FNDC3B: variants seen among roughly 807,000 people sequenced by gnomAD.
The protein encoded by FNDC3B is fibronectin type III domain-containing protein 3B.
FNDC3B carries 12 observed loss-of-function variants against 151.5 expected under a neutral mutation model. The observed-to-expected ratio is 0.08, with a 90% confidence interval of 0.05 to 0.13. FNDC3B has a LOEUF of 0.13. Ranked by LOEUF, FNDC3B falls within the 10% of genes least tolerant of loss-of-function variation. FNDC3B has a pLI of 1.00. For missense variants in FNDC3B, 1,214 were observed against 1,505.3 expected, an observed-to-expected ratio of 0.81 and a Z score of 3.20; for synonymous variants, 528 against 549.0, an observed-to-expected ratio of 0.96 and a Z score of 0.54.
At position 172,304,447 on chromosome 3, in the gene FNDC3B, C is replaced by T. The variant is rs146307786; in HGVS notation, c.1062-2916C>T. On this transcript the variant is annotated intron_variant, in intron 9 of 25. Coordinates refer to ENST00000415807, the MANE Select transcript of FNDC3B (RefSeq NM_022763.4). Reference sequence around the variant, plus strand: ...ACTGGGTGGAGGCAGAGAACCTAAACAGCTAAACTGGGTTGGGTAAGGGTC... The same window carrying T: ...ACTGGGTGGAGGCAGAGAACCTAAATAGCTAAACTGGGTTGGGTAAGGGTC... Among the ~76,000 whole-genome samples the T allele has an allele frequency of 6.4e-4, 98 of 152,328 alleles. 1 individual carries two copies. The highest frequency in any genetic ancestry group is 2.2e-3 in the African/African-American group (93 of 41,582).
At chr3:172,336,582 C>G (rs1030799646) in intron 15 of FNDC3B, among the ~76,000 whole-genome samples, 2 of 152,304 alleles carry the variant, frequency 1.3e-5, no homozygotes, top group East Asian at 1.9e-4. Flanking sequence ...TTGTACTTCT[C>G]TTTCCGTTCC....
intron 6 of FNDC3B, among the ~76,000 whole-genome samples, chr3:172,262,840 T>C (rs1237492077): frequency 7.9e-6 from 1 of 126,768 alleles, no homozygotes; most frequent in Non-Finnish European, 1.5e-5. Flanking sequence ...AAAACTGCAG[T>C]GAGTGTTGAT....
intron 1 of FNDC3B, among the ~76,000 whole-genome samples, chr3:172,055,560 AAAG>A (rs138629873): frequency 0.033 from 5,079 of 152,192 alleles, 266 homozygotes; most frequent in African/African-American, 0.12. Flanking sequence ...AGTTGACAAA[AAAG>A]AGAACAGAGG....
intron 4 of FNDC3B, among the ~76,000 whole-genome samples, chr3:172,242,095 T>C (rs1727524593): frequency 6.6e-6 from 1 of 152,202 alleles, no homozygotes; most frequent in Non-Finnish European, 1.5e-5. Flanking sequence ...CAAAATGATA[T>C]CCTTTGACTC....
At chr3:172,186,449 A>G (rs1300313507) in intron 3 of FNDC3B, among the ~76,000 whole-genome samples, 1 of 152,230 alleles carries the variant, frequency 6.6e-6, no homozygotes, top group African/African-American at 2.4e-5. Flanking sequence ...GTGACTTCAT[A>G]GAAGACCACC....
At chr3:172,245,528 G>A (rs529736722) in intron 4 of FNDC3B, among the ~76,000 whole-genome samples, 1 of 152,108 alleles carries the variant, frequency 6.6e-6, no homozygotes, top group African/African-American at 2.4e-5. Flanking sequence ...ATGCATGTTT[G>A]TGTCAGATCG....
chr3:172,388,833 G>C (rs998294634), intron 25 of FNDC3B, among the ~76,000 whole-genome samples: 11 of 152,134 alleles, frequency 7.2e-5, no homozygotes, highest in South Asian at 2.1e-4. Flanking sequence ...TTTCTGCAAG[G>C]CGGGGCAGGG....
chr3:172,065,990 A>T (rs941835800), intron 1 of FNDC3B, among the ~76,000 whole-genome samples: 24 of 152,144 alleles, frequency 1.6e-4, no homozygotes, highest in African/African-American at 5.6e-4. Context: ...CAACCTAAAT[A>T]CCCCTGATTC....
chr3:172,394,569 C>T (rs948036978), intron 25 of FNDC3B, among the ~76,000 whole-genome samples: 1 of 152,024 alleles, frequency 6.6e-6, no homozygotes, highest in Non-Finnish European at 1.5e-5. Context: ...TCCAACAGAC[C>T]AATGGGTAAG....
intron 3 of FNDC3B, among the ~76,000 whole-genome samples, chr3:172,160,779 G>A (rs1174688591): frequency 2.0e-5 from 3 of 152,130 alleles, no homozygotes; most frequent in Non-Finnish European, 4.4e-5. Flanking sequence ...CTGCATAATA[G>A]CAAATTATTA....
At chr3:172,331,137 C>A (rs1052070444) in intron 13 of FNDC3B, among the ~76,000 whole-genome samples, 1 of 152,268 alleles carries the variant, frequency 6.6e-6, no homozygotes, top group South Asian at 2.1e-4. Flanking sequence ...AGTCTGTTCT[C>A]CATACAGAGC....
chr3:172,277,105 A>T (rs1283456927), intron 6 of FNDC3B, among the ~76,000 whole-genome samples: 1 of 152,254 alleles, frequency 6.6e-6, no homozygotes, highest in Admixed American at 6.5e-5. Context: ...CATGAGATCA[A>T]TAACTTTCTT....
chr3:172,295,327 A>T, intron 7 of FNDC3B, 36 bp from the exon 8 acceptor site: 1 of 1,581,634 alleles, frequency 6.3e-7, no homozygotes, highest in Non-Finnish European at 8.6e-7. Flanking sequence ...TGTAAAATGG[A>T]TTTGAATACT....
At chr3:172,227,803 T>A (rs1261401745) in intron 4 of FNDC3B, among the ~76,000 whole-genome samples, 1 of 152,230 alleles carries the variant, frequency 6.6e-6, no homozygotes, top group Non-Finnish European at 1.5e-5. Context: ...ATTATATCCT[T>A]CCAGATGGAT....
At chr3:172,266,971 C>T (rs6796793) in intron 6 of FNDC3B, among the ~76,000 whole-genome samples, 4,358 of 152,214 alleles carry the variant, frequency 0.029, 239 homozygotes, top group African/African-American at 0.1. Context: ...ATTGATACAC[C>T]CTCACCTTCC....
At chr3:172,240,251 G>A (rs182903056) in intron 4 of FNDC3B, among the ~76,000 whole-genome samples, 196 of 152,188 alleles carry the variant, frequency 1.3e-3, no homozygotes, top group African/African-American at 4.1e-3. Flanking sequence ...ACTTCCCTAA[G>A]CATCATTCTT....
intron 11 of FNDC3B, among the ~76,000 whole-genome samples, chr3:172,315,957 C>T (rs1354473950): frequency 6.7e-6 from 1 of 150,236 alleles, no homozygotes; most frequent in African/African-American, 2.4e-5. Context: ...TTCCAAGCTA[C>T]ATTGACCCTG....
chr3:172,282,195 A>C, intron 6 of FNDC3B, among the ~76,000 whole-genome samples: 1 of 152,198 alleles, frequency 6.6e-6, no homozygotes, highest in East Asian at 1.9e-4. Context: ...ACTTTAAAAC[A>C]AATTTTATTT....
intron 25 of FNDC3B, among the ~76,000 whole-genome samples, chr3:172,391,162 C>T (rs1032037428): frequency 6.6e-6 from 1 of 152,230 alleles, no homozygotes; most frequent in African/African-American, 2.4e-5. Context: ...AACAGCCTCT[C>T]TGAGCCTTAG....
Sources: gnomAD v4.1 joint callset for allele counts (sites outside exome capture counted in the v4.1 genomes callset) on GRCh38, gnomAD v4.1.1 for gene constraint, MANE v1.5 for transcripts, NCBI Gene and HGNC (gene_info 2026-07-23, HGNC 2026-07-21) for gene names.